LRRC74A: variants seen among roughly 807,000 people sequenced by gnomAD.
LRRC74A encodes leucine-rich repeat-containing protein 74A.
Under a neutral mutation model 57.9 loss-of-function variants are expected in LRRC74A, and 44 were observed. The observed-to-expected ratio is 0.76, with a 90% CI of 0.60 to 0.98. LRRC74A has a LOEUF of 0.98. LRRC74A is among the 50% of genes least tolerant of loss of function. The pLI, the probability that LRRC74A is intolerant of heterozygous loss-of-function variation, is 0.00. For synonymous variants in LRRC74A, 211 were observed against 219.4 expected (o/e 0.96, Z 0.34); for missense variants, 572 against 574.0 (o/e 1.00, Z 0.04).
chr14:76,841,335 C>A lies in LRRC74A; in HGVS notation c.545-3088C>A, dbSNP rs1295866433. Among the ~76,000 whole-genome samples the A allele has an allele frequency of 2.6e-5, 4 of 152,252 alleles. 1 individual carries two copies. In the East Asian group the frequency reaches 5.8e-4, roughly 22 times the overall value. ...GGGATTACAGGCATGAGCCACTGTG[C>A]CCAGCCAATAAATATGTTTCGTGTG... On this transcript the variant is annotated intron_variant, in intron 5 of 13. Transcript: ENST00000689127.
rs776615617 is a variant in LRRC74A at position 76,843,666 on chromosome 14, TTCCTG to T, written c.545-743_545-739del. On this transcript the variant is annotated intron_variant, in intron 5 of 13. Transcript: ENST00000689127. ...CCATGTAATACTTGCTTTAAGTCCC[TTCCTG>T]TCCTGTCCTGTCCCTTCCTTTTTTA... Among the ~76,000 whole-genome samples, 5 of 152,292 alleles carry T rather than the reference TTCCTG, an allele frequency of 3.3e-5. No individual in the cohort carries two copies. In the South Asian group the frequency reaches 8.3e-4, roughly 25 times the overall value.
Position 76,841,726 on chromosome 14 carries a change from T to A in LRRC74A, c.545-2697T>A, listed in dbSNP as rs554351216. Among the ~76,000 whole-genome samples the A allele has an allele frequency of 1.1e-4, 17 of 151,550 alleles. No homozygotes were observed. In the East Asian group the frequency reaches 2.9e-3, roughly 26 times the overall value. On this transcript the variant is annotated intron_variant, in intron 5 of 13. Transcript: ENST00000689127. ...TTTTTTTTTCTTTTTCTTTTTTTTT[T>A]TTTTTAGAAGGAGTTTCACTCTTGT...
Position 76,867,424 on chromosome 14 carries a change from C to T in LRRC74A, c.1377C>T (p.Gly459=), listed in dbSNP as rs760111470. The T allele has an allele frequency of 1.3e-5, 21 of 1,590,178 alleles. No individual in the cohort carries two copies. Among genetic ancestry groups the T allele is most frequent in the Admixed American group, 6.7e-5 (4 of 59,840 alleles). Residue 459 remains glycine (G), a synonymous_variant, in exon 13 of 14, where the codon GGC becomes GGT. Coordinates refer to ENST00000689127, the MANE Select transcript of LRRC74A (RefSeq NM_001385106.1). ...EVIKKLDEKT[G]MVNFSFLNTM... The stretch of plus-strand genomic sequence containing the variant: ...TAAAGAAGCTCGATGAGAAGACAGG[C>T]ATGGTGAACTTCAGGTCAGCCCAGG...
chr14:76,841,303 G>C (rs184471613), intron 5 of LRRC74A, among the ~76,000 whole-genome samples: 2,680 of 152,090 alleles, frequency 0.018, 77 homozygotes, highest in African/African-American at 0.061. Context: ...CAGCCTCCCA[G>C]AGTGCTGGGA....
chr14:76,850,861 A>AAAAAGAAAG (rs773711469), intron 7 of LRRC74A, among the ~76,000 whole-genome samples: 66 of 96,532 alleles, frequency 6.8e-4, no homozygotes, highest in South Asian at 1.3e-3. Flanking sequence ...AAAAAAAAAA[A>AAAAAGAAAG]AAAGAAAGAA....
At chr14:76,864,157 G>A (rs1898557298) in intron 11 of LRRC74A, among the ~76,000 whole-genome samples, 1 of 152,180 alleles carries the variant, frequency 6.6e-6, no homozygotes, top group Admixed American at 6.5e-5. Flanking sequence ...AGAGCACGAG[G>A]TGCACTTTGG....
chr14:76,834,520 C>T (rs2056857), intron 3 of LRRC74A, among the ~76,000 whole-genome samples: 52,245 of 152,042 alleles, frequency 0.34, 9,857 homozygotes, highest in East Asian at 0.52. Flanking sequence ...ATTAGGAGCA[C>T]GCTAATAGCA....
intron 3 of LRRC74A, among the ~76,000 whole-genome samples, chr14:76,835,353 G>A (rs932920949): frequency 6.6e-6 from 1 of 152,024 alleles, no homozygotes; most frequent in Non-Finnish European, 1.5e-5. Context: ...AGGTGTGGTG[G>A]TGGGCACCTG....
chr14:76,836,073 G>A (rs750415524), intron 3 of LRRC74A, 134 bp from the exon 4 acceptor site: 66 of 654,468 alleles, frequency 1.0e-4, no homozygotes, highest in Admixed American at 8.2e-4. Context: ...TGGTCTCCTC[G>A]CCCTTGCCAG....
intron 5 of LRRC74A, among the ~76,000 whole-genome samples, chr14:76,842,659 G>GCATT (rs57316542): frequency 0.28 from 42,540 of 151,272 alleles, 6,409 homozygotes; most frequent in East Asian, 0.61. Context: ...TCCAGTGAAT[G>GCATT]CATTCATTCA....
intron 5 of LRRC74A, among the ~76,000 whole-genome samples, chr14:76,843,375 A>G (rs977954046): frequency 6.7e-6 from 1 of 149,916 alleles, no homozygotes; most frequent in Non-Finnish European, 1.5e-5. Flanking sequence ...AAAATGTTGT[A>G]TTAGGATATT....
intron 12 of LRRC74A, among the ~76,000 whole-genome samples, chr14:76,866,508 T>C (rs1232792131): frequency 6.6e-6 from 1 of 152,150 alleles, no homozygotes. Context: ...CCCCCTGTAA[T>C]GCATACTTGA....
intron 9 of LRRC74A, among the ~76,000 whole-genome samples, chr14:76,854,929 A>G (rs959074289): frequency 2.0e-5 from 3 of 152,130 alleles, no homozygotes; most frequent in Admixed American, 2.0e-4. Context: ...TTGTCAGATG[A>G]GAAAACTGAG....
intron 4 of LRRC74A, 106 bp downstream of exon 4, chr14:76,836,420 T>C: frequency 1.5e-6 from 1 of 672,660 alleles, no homozygotes; most frequent in South Asian, 2.1e-5. Flanking sequence ...TCCAGGCTCC[T>C]GCCCGCCCCT....
intron 2 of LRRC74A, among the ~76,000 whole-genome samples, chr14:76,830,883 A>T (rs1343977619): frequency 6.6e-6 from 1 of 152,252 alleles, no homozygotes; most frequent in Non-Finnish European, 1.5e-5. Context: ...TATGTCCTTG[A>T]TGACCAGTCA....
intron 9 of LRRC74A, among the ~76,000 whole-genome samples, chr14:76,854,451 T>C (rs1897740577): frequency 6.6e-6 from 1 of 152,086 alleles, no homozygotes; most frequent in African/African-American, 2.4e-5. Flanking sequence ...CTACTAAAAA[T>C]ACAAAATTAG....
chr14:76,851,813 G>A (rs772664046), intron 7 of LRRC74A, among the ~76,000 whole-genome samples: 2 of 151,906 alleles, frequency 1.3e-5, no homozygotes, highest in African/African-American at 2.4e-5. Flanking sequence ...CTACAGGCAC[G>A]CGCCACCGCA....
intron 10 of LRRC74A, 73 bp from the exon 11 acceptor site, chr14:76,860,620 G>A: frequency 1.4e-6 from 2 of 1,409,642 alleles, no homozygotes; most frequent in Non-Finnish European, 1.9e-6. Flanking sequence ...GGTGGAAGGG[G>A]TAGGGTGCAC....
intron 2 of LRRC74A, chr14:76,829,149 GT>G: frequency 7.8e-7 from 1 of 1,289,378 alleles, no homozygotes; most frequent in Non-Finnish European, 1.0e-6. Flanking sequence ...AATGACGCTG[GT>G]TCCATCTGAC....
Sources: allele counts gnomAD v4.1 joint callset (sites outside exome capture counted in the v4.1 genomes callset), GRCh38; gene constraint gnomAD v4.1.1; transcripts MANE v1.5; gene names NCBI Gene and HGNC (gene_info 2026-07-23, HGNC 2026-07-21).